DOT1L: variants seen among roughly 807,000 people sequenced by gnomAD.
The protein encoded by DOT1L is DOT1 like histone lysine methyltransferase, also known as histone-lysine N-methyltransferase, H3 lysine-79 specific.
In DOT1L, 33 loss-of-function variants were observed where a neutral mutation model predicts 153.3. The observed-to-expected ratio is 0.22, with a 90% CI of 0.16 to 0.29. The LOEUF is 0.29. Among genes scored for constraint, DOT1L ranks in the 10% least tolerant of loss-of-function variants. The pLI is 1.00. For synonymous variants in DOT1L, 1,135 were observed against 965.1 expected, an observed-to-expected ratio of 1.18 and a Z score of -3.26; for missense variants, 1,847 against 2,119.9, an observed-to-expected ratio of 0.87 and a Z score of 2.53.
In DOT1L at chr19:2,227,057, C is replaced by T. The variant is rs748139269; in HGVS notation, c.4536C>T (p.Ser1512=). 6.4e-6 allele frequency: 10 copies of T among 1,573,430 alleles called. No individual in the cohort carries two copies. Among genetic ancestry groups the T allele is most frequent in the African/African-American group, 1.4e-5 (1 of 73,910 alleles). ...CCGCAGGCCTGGTGCACGTGTCGTC[C>T]GCTGCCACCAGACTGACCAACTCGC... ...PAAAGLVHVS[S]AATRLTNSHA... is the part of the protein sequence containing the mutation. Residue 1512 remains serine (S), a synonymous_variant, in exon 27 of 28, where the codon TCC becomes TCT. Coordinates refer to ENST00000398665, the MANE Select transcript of DOT1L (RefSeq NM_032482.3).
intron 7 of DOT1L, among the ~76,000 whole-genome samples, chr19:2,198,081 C>A (rs1233245180): frequency 6.6e-6 from 1 of 152,206 alleles, no homozygotes; most frequent in Non-Finnish European, 1.5e-5. Flanking sequence ...TGCATATAAA[C>A]CACGGTGTTT....
intron 26 of DOT1L, among the ~76,000 whole-genome samples, chr19:2,225,923 G>T (rs1169688955): frequency 6.6e-6 from 1 of 152,130 alleles, no homozygotes; most frequent in Non-Finnish European, 1.5e-5. Flanking sequence ...CCTCTGTCCT[G>T]TCTTCCGCCC....
intron 16 of DOT1L, 98 bp downstream of exon 16, chr19:2,211,940 A>G (rs2023729750): frequency 1.7e-6 from 2 of 1,157,246 alleles, no homozygotes; most frequent in South Asian, 1.5e-5. Context: ...CCTGGAGCGC[A>G]GGCCTGAGTG....
rs912396374 is a variant in DOT1L at position 2,190,108 on chromosome 19, G to A, written c.264+313G>A. 3.9e-5 allele frequency among the ~76,000 whole-genome samples: 6 copies of A among 152,160 alleles called. No homozygotes were observed. The highest frequency in any genetic ancestry group is 1.3e-4 in the Admixed American group (2 of 15,284). Reference sequence around the variant, plus strand: ...GTCCGCAGGTCCCAGCAGAGGCGGGGTCCCTGTCCTCCCCGGGCTGTGTGA... The same window carrying A: ...GTCCGCAGGTCCCAGCAGAGGCGGGATCCCTGTCCTCCCCGGGCTGTGTGA... On this transcript the variant is annotated intron_variant, in intron 4 of 27. Coordinates refer to ENST00000398665, the MANE Select transcript of DOT1L (RefSeq NM_032482.3). The surrounding 1 kb of genome is among the most constrained non-coding windows in gnomAD (Gnocchi z 4.8).
In DOT1L at chr19:2,190,207, C is replaced by T. The variant is rs1039957329; in HGVS notation, c.264+412C>T. Among the ~76,000 whole-genome samples, 2 of 152,178 alleles carry T rather than the reference C, an allele frequency of 1.3e-5. No individual in the cohort carries two copies. The highest frequency in any genetic ancestry group is 2.4e-5 in the African/African-American group (1 of 41,432). On this transcript the variant is annotated intron_variant, in intron 4 of 27. Transcript: ENST00000398665. This position sits in a 1 kb window ranked among gnomAD's most constrained non-coding sequence, Gnocchi z 4.8. Reference sequence around the variant, plus strand: ...GGCTGGATGCCGGCCTGGGCTGCACCCTTGGGCACCCCGGTCCTGCTGTGT... The same window carrying T: ...GGCTGGATGCCGGCCTGGGCTGCACTCTTGGGCACCCCGGTCCTGCTGTGT...
chr19:2,199,302 C>T (rs959564392), intron 7 of DOT1L, among the ~76,000 whole-genome samples: 2 of 152,192 alleles, frequency 1.3e-5, no homozygotes, highest in South Asian at 4.1e-4. Context: ...GGCAGACGCC[C>T]CCAGGGACTG....
Position 2,226,688 on chromosome 19 carries a change from A to C in DOT1L, c.4167A>C (p.Ala1389=). The change falls in exon 27 of 28, where the codon GCA becomes GCC. Residue 1389 remains alanine (A), a synonymous_variant. Transcript: ENST00000398665. ...GCGAGGGCAGCCGCGGCAAGGAGGC[A>C]GGGGAGGGCGGCCTACCGCTGTGCG... The part of the protein sequence containing the change: ...LKGEGSRGKE[A]GEGGLPLCGP... 1 of 1,574,402 alleles carries C rather than the reference A, an allele frequency of 6.4e-7. No homozygotes were observed.
At chr19:2,187,792 G>C (rs956018025) in intron 3 of DOT1L, among the ~76,000 whole-genome samples, 1 of 152,100 alleles carries the variant, frequency 6.6e-6, no homozygotes, top group Admixed American at 6.5e-5. Flanking sequence ...CGTGGTGGCG[G>C]GTGCCTGTAG....
At chr19:2,170,917 C>G (rs2021587441) in intron 1 of DOT1L, among the ~76,000 whole-genome samples, 1 of 152,220 alleles carries the variant, frequency 6.6e-6, no homozygotes, top group South Asian at 2.1e-4. Flanking sequence ...TCTCCTGGAA[C>G]CTGTCCCCCT....
At chr19:2,194,215 G>A (rs1413473188) in intron 6 of DOT1L, among the ~76,000 whole-genome samples, 1 of 152,112 alleles carries the variant, frequency 6.6e-6, no homozygotes, top group Non-Finnish European at 1.5e-5. Context: ...CAGTCGCCCA[G>A]GCTGGAGTGC....
chr19:2,182,916 G>C (rs77030691), intron 2 of DOT1L, among the ~76,000 whole-genome samples: 2 of 152,166 alleles, frequency 1.3e-5, no homozygotes, highest in African/African-American at 4.8e-5. Flanking sequence ...AAGCGTTGTA[G>C]GGAGCAGGGT....
chr19:2,206,065 C>T (rs1050938726), intron 9 of DOT1L, among the ~76,000 whole-genome samples: 5 of 150,014 alleles, frequency 3.3e-5, no homozygotes, highest in East Asian at 2.0e-4. Context: ...GGCGCGATCT[C>T]GACTCACTTG....
At chr19:2,226,137 G>A (rs774733439) in intron 26 of DOT1L, 46 bp from the exon 27 acceptor site, 75 of 1,484,410 alleles carry the variant, frequency 5.1e-5, no homozygotes, top group Middle Eastern at 1.8e-4. Context: ...TGGGTAGCCC[G>A]GGCAGGTGCT....
intron 2 of DOT1L, among the ~76,000 whole-genome samples, chr19:2,181,846 T>A (rs1180959316): frequency 6.7e-6 from 1 of 150,204 alleles, no homozygotes; most frequent in Non-Finnish European, 1.5e-5. Flanking sequence ...TCTGCCTGGG[T>A]TTCTCTTGTT....
intron 15 of DOT1L, 113 bp from the exon 16 acceptor site, chr19:2,211,638 A>C: frequency 1.1e-6 from 1 of 899,754 alleles, no homozygotes; most frequent in Non-Finnish European, 1.7e-6. Flanking sequence ...CTCCTGCCTC[A>C]TGAGTGCCTG....
Position 2,222,515 on chromosome 19 carries a change from C to T in DOT1L, c.3346C>T (p.Leu1116Phe). Residue 1116 changes from leucine to phenylalanine, a missense_variant, in exon 24 of 28, where the codon CTT becomes TTT. Leu to Phe is a conservative substitution (Grantham distance 22, BLOSUM62 0). Transcript: ENST00000398665. The surrounding 1 kb of genome is among the most constrained non-coding windows in gnomAD (Gnocchi z 6.5). The part of the protein sequence containing the change: ...KRRALPSVAG[L>F]FTQPSGSPLN... Reference sequence around the variant, plus strand: ...CCGAGCCCTGCCGTCCGTCGCTGGCCTTTTCACACAGCCTTCGGGGTCTCC... The same window carrying T: ...CCGAGCCCTGCCGTCCGTCGCTGGCTTTTTCACACAGCCTTCGGGGTCTCC... 6.4e-7 allele frequency: 1 copy of T among 1,572,692 alleles called. No individual in the cohort carries two copies. The highest frequency in any genetic ancestry group is 1.1e-5 in the South Asian group (1 of 87,806).
chr19:2,226,557 G>C lies in DOT1L; in HGVS notation c.4036G>C (p.Gly1346Arg). 1 of 1,600,462 alleles carries C rather than the reference G, an allele frequency of 6.2e-7. No homozygotes were observed. The highest frequency in any genetic ancestry group is 8.5e-7 in the Non-Finnish European group (1 of 1,179,064). Residue 1346 changes from glycine to arginine, a missense_variant, in exon 27 of 28, where the codon GGC becomes CGC. Gly to Arg is a moderately radical substitution (Grantham distance 125, BLOSUM62 -2). Around this residue, in one of 8 missense-constraint regions of DOT1L, gnomAD observed 934 missense variants for 825.3 expected, o/e 1.13. Transcript: ENST00000398665. ...SLPHKGPEAA[G>R]LSSPLSFPSQ... is the part of the protein sequence containing the mutation. Reference sequence around the variant, plus strand: ...TCCCCACAAGGGCCCCGAGGCGGCCGGCCTGAGCTCCCCGCTGAGCTTCCC... The same window carrying C: ...TCCCCACAAGGGCCCCGAGGCGGCCCGCCTGAGCTCCCCGCTGAGCTTCCC...
intron 8 of DOT1L, among the ~76,000 whole-genome samples, chr19:2,202,389 C>T (rs188076413): frequency 7.5e-4 from 114 of 152,366 alleles, no homozygotes; most frequent in African/African-American, 2.4e-3. Context: ...GGGTACTTCA[C>T]GGCTGCTCTT....
intron 1 of DOT1L, among the ~76,000 whole-genome samples, chr19:2,177,825 G>A (rs1421610198): frequency 1.3e-5 from 2 of 151,362 alleles, no homozygotes; most frequent in Non-Finnish European, 2.9e-5. Context: ...GCAGTGGTGC[G>A]ACCTTGGCTC....
Sources: allele counts gnomAD v4.1 joint callset (sites outside exome capture counted in the v4.1 genomes callset), GRCh38; gene constraint gnomAD v4.1.1; regional missense constraint gnomAD v4.1.1; non-coding constraint Gnocchi (gnomAD v3.1); transcripts MANE v1.5; gene names NCBI Gene and HGNC (gene_info 2026-07-23, HGNC 2026-07-21).